ETNPPL: variants seen among roughly 807,000 people sequenced by gnomAD.
ETNPPL encodes the protein alanine--glyoxylate aminotransferase 2-like 1.
A neutral mutation model predicts 55.5 loss-of-function variants in ETNPPL; 30 were observed. The ratio of observed to expected loss-of-function variants is 0.54; its 90% CI spans 0.40 to 0.73. The LOEUF (loss-of-function observed/expected upper bound fraction) is 0.73. Ranked by LOEUF, ETNPPL falls within the 30% of genes least tolerant of loss-of-function variation. The probability of loss-of-function intolerance (pLI) is 0.00; values close to 1 mark genes in which losing one functional copy is unlikely to be tolerated. For missense variants in ETNPPL, 528 were observed against 607.9 expected (o/e 0.87, Z 1.38); for synonymous variants, 202 against 207.2 (o/e 0.98, Z 0.21).
Position 108,749,437 on chromosome 4 carries a change from A to G in ETNPPL, c.728T>C (p.Phe243Ser). The stretch of plus-strand genomic sequence containing the variant: ...GCCCACTTGAACTTCATCAGCTATA[A>G]ACACACCCCCTGCACCGTGTACATA... Reference protein sequence around the residue: ...AEYVHGAGGVFIADEVQVGFG... With the variant: ...AEYVHGAGGVSIADEVQVGFG... Residue 243 changes from phenylalanine (F) to serine (S), a missense_variant, in exon 8 of 13, where the codon TTT becomes TCT. Coordinates refer to ENST00000296486, the MANE Select transcript of ETNPPL (RefSeq NM_031279.4). The G allele has an allele frequency of 6.2e-7, 1 of 1,614,044 alleles. No individual in the cohort carries two copies. The highest frequency in any genetic ancestry group is 1.1e-5 in the South Asian group (1 of 91,080).
At chr4:108,744,223 T>G (rs957811778) in intron 11 of ETNPPL, among the ~76,000 whole-genome samples, 1 of 151,328 alleles carries the variant, frequency 6.6e-6, no homozygotes, top group Non-Finnish European at 1.5e-5. Flanking sequence ...ATCACGCCAC[T>G]GCACTCCAGC....
At chr4:108,758,284 C>T (rs1440148144) in intron 3 of ETNPPL, among the ~76,000 whole-genome samples, 3 of 151,934 alleles carry the variant, frequency 2.0e-5, no homozygotes, top group South Asian at 2.1e-4. Flanking sequence ...GCCACCACGC[C>T]GAACCATATT....
In ETNPPL at chr4:108,759,879, C is replaced by T. The variant is rs201271682; in HGVS notation, c.205G>A (p.Ala69Thr). The change falls in exon 3 of 13, where the codon GCT (alanine) becomes ACT (threonine). Residue 69 changes from alanine to threonine, a missense_variant. Coordinates refer to ENST00000296486, the MANE Select transcript of ETNPPL (RefSeq NM_031279.4). ...VGHCHPGVVK[A>T]ALKQMELLNT... ...AGCAGTTCCATCTGTTTCAGGGCAG[C>T]TTTGACCACTCCTGGGTGACAGTGT... 9 of 1,614,136 alleles carry T rather than the reference C, an allele frequency of 5.6e-6. No individual in the cohort carries two copies. In the East Asian group the frequency reaches 2.0e-4, roughly 36 times the overall value.
chr4:108,743,743 C>T (rs1213185998), intron 12 of ETNPPL, 46 bp downstream of exon 12: 1 of 1,357,550 alleles, frequency 7.4e-7, no homozygotes, highest in African/African-American at 1.5e-5. Flanking sequence ...TAAACATTCC[C>T]CAAATTTTAA....
At position 108,746,809 on chromosome 4, in the gene ETNPPL, A is replaced by G. The variant is rs1416148600; in HGVS notation, c.1125T>C (p.His375=). 6.2e-7 allele frequency: 1 copy of G among 1,613,828 alleles called. No homozygotes were observed. The highest frequency in any genetic ancestry group is 1.3e-5 in the African/African-American group (1 of 74,842). ...CAGCTGTGGCAGGGGTCCTTTTCAGATGGTCCTTCACTAAATCAATTCCAA... is the reference window on the plus strand; with the variant it reads ...CAGCTGTGGCAGGGGTCCTTTTCAGGTGGTCCTTCACTAAATCAATTCCAA... ...LFIGIDLVKD[H]LKRTPATAEA... Residue 375 remains histidine, a synonymous_variant, in exon 10 of 13, where the codon CAT becomes CAC. Transcript: ENST00000296486.
At chr4:108,747,135 TATATATATATATA>T (rs1560649938) in intron 9 of ETNPPL, among the ~76,000 whole-genome samples, 15 of 29,424 alleles carry the variant, frequency 5.1e-4, no homozygotes, top group African/African-American at 1.2e-3. Flanking sequence ...TATATATATA[TATATATATATATA>T]ATATATATAT....
intron 5 of ETNPPL, among the ~76,000 whole-genome samples, chr4:108,753,442 A>G (rs983830620): frequency 2.1e-4 from 32 of 152,138 alleles, no homozygotes; most frequent in Non-Finnish European, 4.1e-4. Flanking sequence ...GAAAATATTG[A>G]TGATTCTCAA....
intron 5 of ETNPPL, among the ~76,000 whole-genome samples, chr4:108,753,689 C>G (rs1207943321): frequency 2.7e-5 from 4 of 150,510 alleles, no homozygotes; most frequent in African/African-American, 9.8e-5. Context: ...TTTCAGTGAG[C>G]CAAGATCGTG....
intron 8 of ETNPPL, 121 bp downstream of exon 8, chr4:108,749,117 G>T: frequency 1.6e-6 from 1 of 618,542 alleles, no homozygotes; most frequent in Non-Finnish European, 2.8e-6. Context: ...AAAAAACTTT[G>T]GCCAGAGTTC....
intron 5 of ETNPPL, among the ~76,000 whole-genome samples, chr4:108,753,260 A>G (rs1228678944): frequency 1.3e-5 from 2 of 152,188 alleles, no homozygotes; most frequent in Admixed American, 1.3e-4. Context: ...CCTCACATAA[A>G]TAGAACATTC....
Position 108,749,036 on chromosome 4 carries a change from CAT to C in ETNPPL, c.927+200_927+201del, listed in dbSNP as rs369142039. On this transcript the variant is annotated intron_variant, in intron 8 of 12. Coordinates refer to ENST00000296486, the MANE Select transcript of ETNPPL (RefSeq NM_031279.4). ...ATGTAACAAACCTGCACATTCTACT[CAT>C]GTATCCCAGAACTTAAAGTATAATT... is the stretch of plus-strand genomic sequence containing the variant. Among the ~76,000 whole-genome samples the C allele has an allele frequency of 3.2e-4, 49 of 151,916 alleles. No individual in the cohort carries two copies. The East Asian group carries it at 6.8e-3, about 21-fold the overall frequency.
At position 108,746,474 on chromosome 4, in the gene ETNPPL, T is replaced by G. The variant is rs1728504298; in HGVS notation, c.1228A>C (p.Lys410Gln). ...GTGAAGCACATAGGTGGTTTTATTT[T>G]AAGTACATTTCTATGAGGTCCATCG... ...SADGPHRNVL[K>Q]IKPPMCFTEE... The change falls in exon 11 of 13, where the codon AAA becomes CAA. Residue 410 changes from lysine (K) to glutamine (Q), a missense_variant. Coordinates refer to ENST00000296486, the MANE Select transcript of ETNPPL (RefSeq NM_031279.4). 1 of 1,613,814 alleles carries G rather than the reference T, an allele frequency of 6.2e-7. No homozygotes were observed. Among genetic ancestry groups the G allele is most frequent in the Non-Finnish European group, 8.5e-7 (1 of 1,179,974 alleles).
chr4:108,747,197 TATATATATATAATATATATATATATATTA>T (rs1728623019), intron 9 of ETNPPL, among the ~76,000 whole-genome samples: 1 of 8,150 alleles, frequency 1.2e-4, no homozygotes, highest in Non-Finnish European at 1.7e-4. Context: ...ATATATATTA[TATATATATATAATATATATATATATATTA>T]TATATATATA....
At position 108,759,786 on chromosome 4, in the gene ETNPPL, G is replaced by A; in HGVS notation, c.298C>T (p.Pro100Ser). Residue 100 changes from proline to serine, a missense_variant, in exon 3 of 13, where the codon CCG becomes TCG. Coordinates refer to ENST00000296486, the MANE Select transcript of ETNPPL (RefSeq NM_031279.4). ...EYAKRLSATL[P>S]EKLSVCYFTN... Reference sequence around the variant, plus strand: ...AAATAACAAACAGAGAGTTTCTCCGGCAGAGTTGCTGAAAGGCGTTTGGCA... The same window carrying A: ...AAATAACAAACAGAGAGTTTCTCCGACAGAGTTGCTGAAAGGCGTTTGGCA... 2 of 1,614,110 alleles carry A rather than the reference G, an allele frequency of 1.2e-6. No homozygotes were observed. Among genetic ancestry groups the A allele is most frequent in the Non-Finnish European group, 1.7e-6 (2 of 1,180,002 alleles).
At chr4:108,757,560 G>A (rs1729271107) in intron 3 of ETNPPL, among the ~76,000 whole-genome samples, 2 of 152,130 alleles carry the variant, frequency 1.3e-5, no homozygotes, top group African/African-American at 2.4e-5. Context: ...ATTTCTTGAG[G>A]TCAGGAGTTC....
intron 6 of ETNPPL, among the ~76,000 whole-genome samples, chr4:108,752,230 T>TA (rs1028607281): frequency 2.1e-4 from 32 of 150,162 alleles, no homozygotes; most frequent in Admixed American, 2.1e-3. Context: ...GGTTTTTTTT[T>TA]AAAATAGCCA....
At chr4:108,749,091 G>A in intron 8 of ETNPPL, 147 bp downstream of exon 8, 2 of 562,288 alleles carry the variant, frequency 3.6e-6, no homozygotes, top group South Asian at 2.4e-5. Context: ...TATTTAAGAT[G>A]TTTTATTAAA....
At chr4:108,753,749 T>TAAATAAAGA (rs1553934219) in intron 5 of ETNPPL, among the ~76,000 whole-genome samples, 1 of 76,712 alleles carries the variant, frequency 1.3e-5, no homozygotes, top group African/African-American at 5.3e-5. Flanking sequence ...CTCAAATAAA[T>TAAATAAAGA]AAGAAAGAAA....
chr4:108,742,474 T>C lies in ETNPPL; in HGVS notation c.*10A>G. 6 of 1,614,008 alleles carry C rather than the reference T, an allele frequency of 3.7e-6. No individual in the cohort carries two copies. Among genetic ancestry groups the C allele is most frequent in the Non-Finnish European group, 4.2e-6 (5 of 1,179,888 alleles). On this transcript the variant is annotated 3_prime_UTR_variant, in exon 13 of 13. Coordinates refer to ENST00000296486, the MANE Select transcript of ETNPPL (RefSeq NM_031279.4). ...CTGGACATCGCATCTTGCTTTAAAA[T>C]GCAAATCAGTCATGTCTTGAGCCTC...
Sources: allele counts gnomAD v4.1 joint callset (sites outside exome capture counted in the v4.1 genomes callset), GRCh38; gene constraint gnomAD v4.1.1; transcripts MANE v1.5; gene names NCBI Gene and HGNC (gene_info 2026-07-23, HGNC 2026-07-21).